The following SCN8A variants were observed in gnomAD, a reference collection of about 807,000 sequenced individuals.
SCN8A encodes sodium voltage-gated channel alpha subunit 8.
In SCN8A, 30 loss-of-function variants were observed where a neutral mutation model predicts 184.1. The observed-to-expected ratio is 0.16, with a 90% CI of 0.12 to 0.22. The LOEUF (loss-of-function observed/expected upper bound fraction) is 0.22. Ranked by LOEUF, SCN8A falls within the 10% of genes least tolerant of loss-of-function variation. SCN8A has a pLI of 1.00. For synonymous variants in SCN8A, 852 were observed against 907.0 expected (o/e 0.94, Z 1.09); for missense variants, 1,057 against 2,498.9 (o/e 0.42, Z 12.30).
chr12:51,706,776 G>A, intron 11 of SCN8A, 61 bp downstream of exon 11: 3 of 1,170,952 alleles, frequency 2.6e-6, no homozygotes, highest in Non-Finnish European at 3.5e-6. Flanking sequence ...GGTAAAATGT[G>A]TATATGTATA....
chr12:51,801,781 G>A (rs764597752), intron 26 of SCN8A, among the ~76,000 whole-genome samples: 1 of 152,090 alleles, frequency 6.6e-6, no homozygotes, highest in Non-Finnish European at 1.5e-5. Context: ...CAGGCCAGGC[G>A]CCATAGCTCA....
intron 5 of SCN8A, 75 bp downstream of exon 5, chr12:51,687,294 T>C: frequency 6.5e-7 from 1 of 1,545,092 alleles, no homozygotes; most frequent in Non-Finnish European, 8.9e-7. Context: ...GGTCTGTTTG[T>C]AGGTGTGCAT....
intron 26 of SCN8A, among the ~76,000 whole-genome samples, chr12:51,798,224 A>G (rs751200492): frequency 3.9e-5 from 6 of 152,234 alleles, no homozygotes; most frequent in Admixed American, 6.5e-5. Flanking sequence ...AGTGAATTCC[A>G]TGAGCATGAA....
chr12:51,711,700 T>G (rs1352610900), intron 11 of SCN8A, among the ~76,000 whole-genome samples: 1 of 144,848 alleles, frequency 6.9e-6, no homozygotes, highest in Non-Finnish European at 1.5e-5. Flanking sequence ...TTTATTTCCA[T>G]AGCTTCTGAG....
intron 26 of SCN8A, among the ~76,000 whole-genome samples, chr12:51,798,975 G>A (rs1405660639): frequency 1.3e-5 from 2 of 152,212 alleles, no homozygotes; most frequent in Admixed American, 6.5e-5. Context: ...TGCACTGCTC[G>A]AAGTTCTGCC....
Position 51,751,656 on chromosome 12 carries a change from T to C in SCN8A, c.2370+63T>C, listed in dbSNP as rs1942597335. On this transcript the variant is annotated intron_variant, in intron 14 of 26. Transcript: ENST00000627620. The stretch of plus-strand genomic sequence containing the variant: ...ATGTGTTTTGCCTGTAGGATATCTT[T>C]TTCTGGTACTGAAAGCTGGAGTTTC... 7 of 1,224,828 alleles carry C rather than the reference T, an allele frequency of 5.7e-6. No individual in the cohort carries two copies. The South Asian group carries it at 8.1e-5, about 14-fold the overall frequency. The allele number at this position is 1,224,828 out of a possible 1,614,324, so 75.9% of individuals were successfully genotyped here. A position where few individuals can be genotyped will look rare whatever the true frequency, so the allele number is the denominator to read the frequency against.
intron 1 of SCN8A, among the ~76,000 whole-genome samples, chr12:51,643,127 G>A (rs188138627): frequency 1.3e-5 from 2 of 152,178 alleles, no homozygotes; most frequent in Admixed American, 1.3e-4. Context: ...AAAACTTCAT[G>A]CGAGCTGTCA....
At chr12:51,778,964 C>T (rs2138887750) in intron 20 of SCN8A, among the ~76,000 whole-genome samples, 1 of 152,096 alleles carries the variant, frequency 6.6e-6, no homozygotes, top group East Asian at 1.9e-4. Context: ...GCCTGTAATC[C>T]CAGCACTTTG....
At chr12:51,726,142 G>A (rs1942151860) in intron 12 of SCN8A, among the ~76,000 whole-genome samples, 2 of 152,214 alleles carry the variant, frequency 1.3e-5, no homozygotes, top group Admixed American at 1.3e-4. Flanking sequence ...TTGTGATTGA[G>A]TGTTGAGATT....
At chr12:51,632,533 T>C (rs1940219135) in intron 1 of SCN8A, among the ~76,000 whole-genome samples, 1 of 152,110 alleles carries the variant, frequency 6.6e-6, no homozygotes, top group Non-Finnish European at 1.5e-5. Flanking sequence ...CCTGGAGAGG[T>C]AAAATCTTTT....
chr12:51,647,697 T>C (rs539352120), intron 1 of SCN8A, among the ~76,000 whole-genome samples: 6 of 152,370 alleles, frequency 3.9e-5, no homozygotes, highest in East Asian at 3.9e-4. Flanking sequence ...AGAACTGTTA[T>C]AGATTTTCCA....
intron 1 of SCN8A, among the ~76,000 whole-genome samples, chr12:51,655,159 A>G (rs566928380): frequency 2.6e-5 from 4 of 152,088 alleles, no homozygotes; most frequent in Non-Finnish European, 5.9e-5. Context: ...TCAGCCCCCC[A>G]TAGTGCTGGG....
intron 12 of SCN8A, among the ~76,000 whole-genome samples, chr12:51,737,087 C>T (rs906209578): frequency 4.6e-5 from 7 of 152,164 alleles, no homozygotes; most frequent in Non-Finnish European, 7.3e-5. Flanking sequence ...GTCAGCTAAA[C>T]GGGTTTGCCA....
At chr12:51,639,463 G>A (rs7977256) in intron 1 of SCN8A, among the ~76,000 whole-genome samples, 130,836 of 152,038 alleles carry the variant, frequency 0.86, 56,536 homozygotes, top group East Asian at 0.99. Context: ...CACCCAGGCT[G>A]GAGTGCAGTG....
chr12:51,601,369 T>C (rs1031439721), intron 1 of SCN8A, among the ~76,000 whole-genome samples: 2 of 151,946 alleles, frequency 1.3e-5, no homozygotes, highest in Non-Finnish European at 2.9e-5. Flanking sequence ...GTGCACAGAC[T>C]GAATGATTAA....
chr12:51,769,146 G>A lies in SCN8A; in HGVS notation c.3183G>A (p.Lys1061=), dbSNP rs749118803. 1.2e-5 allele frequency: 20 copies of A among 1,613,312 alleles called. No homozygotes were observed. In the East Asian group the frequency reaches 4.2e-4, roughly 34 times the overall value. Reference sequence around the variant, plus strand: ...TCCACCGGAATGGTGACTTCCAGAAGAATGGCAATGGCACAACCAGCGGCA... The same window carrying A: ...TCCACCGGAATGGTGACTTCCAGAAAAATGGCAATGGCACAACCAGCGGCA... ...ADIHRNGDFQ[K]NGNGTTSGIG... Residue 1061 remains lysine, a synonymous_variant, in exon 17 of 27, where the codon AAG becomes AAA. Coordinates refer to ENST00000627620, the MANE Select transcript of SCN8A (RefSeq NM_001330260.2).
intron 12 of SCN8A, among the ~76,000 whole-genome samples, chr12:51,745,116 C>T (rs1043346708): frequency 6.6e-6 from 1 of 152,174 alleles, no homozygotes. Flanking sequence ...TGAAGAAACC[C>T]TTTGCTGTAA....
intron 11 of SCN8A, among the ~76,000 whole-genome samples, chr12:51,720,227 T>G (rs899312210): frequency 4.2e-4 from 64 of 150,806 alleles, no homozygotes; most frequent in African/African-American, 1.5e-3. Flanking sequence ...TGTAAACTTT[T>G]GATGAAAAAA....
chr12:51,789,243 G>A (rs767543424), intron 23 of SCN8A, 38 bp from the exon 24 acceptor site: 3 of 1,611,382 alleles, frequency 1.9e-6, no homozygotes, highest in Non-Finnish European at 2.5e-6. Flanking sequence ...CTCCAAACTA[G>A]GAGCTGATTC....
Sources: allele counts gnomAD v4.1 joint callset (sites outside exome capture counted in the v4.1 genomes callset), GRCh38; gene constraint gnomAD v4.1.1; transcripts MANE v1.5; gene names NCBI Gene and HGNC (gene_info 2026-07-23, HGNC 2026-07-21).